The following CDC42BPA variants were observed in gnomAD, a reference collection of about 807,000 sequenced individuals.
The protein encoded by CDC42BPA is CDC42 binding protein kinase alpha.
Under a neutral mutation model 223.5 loss-of-function variants are expected in CDC42BPA, and 80 were observed. That is an observed-to-expected ratio of 0.36 (90% confidence interval 0.30 to 0.43). The LOEUF (loss-of-function observed/expected upper bound fraction) is 0.43. Among genes scored for constraint, CDC42BPA ranks in the 20% least tolerant of loss-of-function variants. The probability of loss-of-function intolerance (pLI) is 1.00; values close to 1 mark genes in which losing one functional copy is unlikely to be tolerated. For missense variants in CDC42BPA, 1,743 were observed against 2,099.9 expected (o/e 0.83, Z 3.32); for synonymous variants, 694 against 718.6 (o/e 0.97, Z 0.55).
At chr1:227,121,903 C>T (rs1344921900) in intron 11 of CDC42BPA, among the ~76,000 whole-genome samples, 2 of 150,884 alleles carry the variant, frequency 1.3e-5, no homozygotes, top group Non-Finnish European at 2.9e-5. Flanking sequence ...CAGGTTCAAG[C>T]AATTCTCCTG....
At chr1:227,013,164 T>C (rs968463124) in intron 34 of CDC42BPA, among the ~76,000 whole-genome samples, 1 of 152,034 alleles carries the variant, frequency 6.6e-6, no homozygotes, top group East Asian at 1.9e-4. Context: ...AAGAAAACAT[T>C]AAAGCAATGA....
chr1:227,100,930 T>C, intron 15 of CDC42BPA, 62 bp downstream of exon 15: 1 of 1,067,058 alleles, frequency 9.4e-7, no homozygotes, highest in Non-Finnish European at 1.4e-6. Context: ...GTATCTCCAA[T>C]ACTTGACACA....
chr1:227,158,531 ACT>A (rs1663246018), intron 6 of CDC42BPA, among the ~76,000 whole-genome samples: 1 of 152,060 alleles, frequency 6.6e-6, no homozygotes, highest in South Asian at 2.1e-4. Context: ...TTACAGATAC[ACT>A]CTGTGATTGT....
At chr1:227,304,217 G>A (rs2148761877) in intron 1 of CDC42BPA, among the ~76,000 whole-genome samples, 1 of 152,228 alleles carries the variant, frequency 6.6e-6, no homozygotes, top group African/African-American at 2.4e-5. Flanking sequence ...GGCCAGCCTG[G>A]TCAACATGGC....
chr1:227,001,920 AC>A (rs1425195824), intron 35 of CDC42BPA, among the ~76,000 whole-genome samples: 2 of 152,094 alleles, frequency 1.3e-5, no homozygotes, highest in Non-Finnish European at 2.9e-5. Flanking sequence ...AAAAACAAAA[AC>A]AAAAAACAAA....
intron 21 of CDC42BPA, among the ~76,000 whole-genome samples, chr1:227,064,723 C>T (rs1676622974): frequency 6.8e-6 from 1 of 147,522 alleles, no homozygotes; most frequent in African/African-American, 2.4e-5. Flanking sequence ...TATCTCTGTT[C>T]TACTGCTTTC....
chr1:227,215,061 A>C (rs1674591647), intron 2 of CDC42BPA, among the ~76,000 whole-genome samples: 1 of 152,202 alleles, frequency 6.6e-6, no homozygotes, highest in Non-Finnish European at 1.5e-5. Flanking sequence ...TGCTTCACTG[A>C]AGAAACGTGA....
chr1:227,059,302 A>G (rs1158574920), intron 21 of CDC42BPA: 1 of 1,296,222 alleles, frequency 7.7e-7, no homozygotes, highest in Non-Finnish European at 1.1e-6. Flanking sequence ...AGGTTCCGCA[A>G]TCACAGGCAA....
chr1:227,228,256 T>C (rs1291849512), intron 2 of CDC42BPA, among the ~76,000 whole-genome samples: 3 of 152,238 alleles, frequency 2.0e-5, no homozygotes, highest in Non-Finnish European at 2.9e-5. Flanking sequence ...CCTACAGATA[T>C]TTCATATAAA....
chr1:227,267,144 T>C (rs535512371), intron 1 of CDC42BPA, among the ~76,000 whole-genome samples: 1 of 152,230 alleles, frequency 6.6e-6, no homozygotes, highest in African/African-American at 2.4e-5. Flanking sequence ...GCTTAATTTA[T>C]GCATTTTTAT....
chr1:227,305,803 T>TA (rs1306535232), intron 1 of CDC42BPA, among the ~76,000 whole-genome samples: 1 of 151,918 alleles, frequency 6.6e-6, no homozygotes, highest in Non-Finnish European at 1.5e-5. Flanking sequence ...CCATCTCTAC[T>TA]AAAAATACAA....
At chr1:226,999,865 C>G (rs1455139345) in intron 35 of CDC42BPA, among the ~76,000 whole-genome samples, 5 of 149,950 alleles carry the variant, frequency 3.3e-5, no homozygotes, top group Non-Finnish European at 7.4e-5. Context: ...AACCAAACAC[C>G]GCATGTTCTC....
chr1:227,070,951 C>T (rs1011794056), intron 20 of CDC42BPA, among the ~76,000 whole-genome samples: 2 of 151,786 alleles, frequency 1.3e-5, no homozygotes, highest in Admixed American at 6.6e-5. Flanking sequence ...ATTAGGGCCA[C>T]GAGTTGTCCA....
chr1:227,153,370 G>T (rs1187781753), intron 6 of CDC42BPA, among the ~76,000 whole-genome samples: 1 of 151,650 alleles, frequency 6.6e-6, no homozygotes, highest in Non-Finnish European at 1.5e-5. Flanking sequence ...ACTGAAACCA[G>T]GAATAACTAA....
chr1:227,301,490 G>A (rs534568130), intron 1 of CDC42BPA, among the ~76,000 whole-genome samples: 151 of 152,136 alleles, frequency 9.9e-4, no homozygotes, highest in Non-Finnish European at 1.5e-3. Flanking sequence ...CTCCAGGGTA[G>A]CTGGGACTAC....
At chr1:227,062,951 A>G (rs1676235844) in intron 21 of CDC42BPA, among the ~76,000 whole-genome samples, 1 of 152,160 alleles carries the variant, frequency 6.6e-6, no homozygotes, top group Non-Finnish European at 1.5e-5. Flanking sequence ...ACTAAAAACA[A>G]GTTAAAATGT....
Position 227,228,839 on chromosome 1 carries a change from G to A in CDC42BPA, c.271-15620C>T, listed in dbSNP as rs181785828. Among the ~76,000 whole-genome samples, 3 of 152,172 alleles carry A rather than the reference G, an allele frequency of 2.0e-5. No homozygotes were observed. The East Asian group carries it at 5.8e-4, about 29-fold the overall frequency. On this transcript the variant is annotated intron_variant, in intron 2 of 36. Transcript: ENST00000366766. ...TATGTATAACTTCTTTGGAGAAACA[G>A]CTATCCAAATCACTCATCAATTTTT...
intron 5 of CDC42BPA, among the ~76,000 whole-genome samples, chr1:227,183,842 T>A (rs1668337329): frequency 6.6e-6 from 1 of 152,230 alleles, no homozygotes; most frequent in Non-Finnish European, 1.5e-5. Flanking sequence ...ACTTTCTCCA[T>A]ATCCTTGCTA....
intron 10 of CDC42BPA, among the ~76,000 whole-genome samples, chr1:227,129,460 G>A (rs1208998112): frequency 6.6e-6 from 1 of 151,634 alleles, no homozygotes; most frequent in African/African-American, 2.4e-5. Flanking sequence ...TTGAGTACAG[G>A]AGTATGAGAC....
Sources: allele counts gnomAD v4.1 joint callset (sites outside exome capture counted in the v4.1 genomes callset), GRCh38; gene constraint gnomAD v4.1.1; transcripts MANE v1.5; gene names NCBI Gene and HGNC (gene_info 2026-07-23, HGNC 2026-07-21).